Variants in SEM1 observed in about 807,000 individuals in gnomAD.
The protein encoded by SEM1 is 26S proteasome complex subunit SEM1.
SEM1 carries 3 observed loss-of-function variants against 12.7 expected under a neutral mutation model. That is an observed-to-expected ratio of 0.24 (90% CI 0.11 to 0.61). The LOEUF (loss-of-function observed/expected upper bound fraction) is 0.61. Ranked by LOEUF, SEM1 falls within the 20% of genes least tolerant of loss-of-function variation. The pLI, the probability that SEM1 is intolerant of heterozygous loss-of-function variation, is 0.88. For synonymous variants in SEM1, 30 were observed against 27.8 expected, an observed-to-expected ratio of 1.08 and a Z score of -0.25; for missense variants, 59 against 81.3, an observed-to-expected ratio of 0.73 and a Z score of 1.06.
intron 2 of SEM1, among the ~76,000 whole-genome samples, chr7:96,664,873 T>C (rs965328699): frequency 4.6e-5 from 7 of 152,128 alleles, no homozygotes; most frequent in African/African-American, 1.7e-4. Flanking sequence ...AGTGAAATAA[T>C]GAATAAACCA....
intron 2 of SEM1, among the ~76,000 whole-genome samples, chr7:96,659,926 A>AAAAAAAAAAAAAAC (rs1788939036): frequency 6.8e-6 from 1 of 147,514 alleles, no homozygotes; most frequent in Non-Finnish European, 1.5e-5. Flanking sequence ...AAAAAAAAAA[A>AAAAAAAAAAAAAAC]AAAACAAAAA....
chr7:96,686,278 C>G (rs1789758655), downstream of SEM1, among the ~76,000 whole-genome samples: 1 of 152,106 alleles, frequency 6.6e-6, no homozygotes. Context: ...ATCCTGATGT[C>G]AAATACCAAT....
chr7:96,518,606 T>G (rs538626907), intron 2 of SEM1, among the ~76,000 whole-genome samples: 1 of 152,234 alleles, frequency 6.6e-6, no homozygotes, highest in Admixed American at 6.5e-5. Flanking sequence ...TCTCTGAATT[T>G]ATATTCATCA....
At chr7:96,555,329 G>A (rs1196672185) in intron 2 of SEM1, among the ~76,000 whole-genome samples, 1 of 151,592 alleles carries the variant, frequency 6.6e-6, no homozygotes, top group Non-Finnish European at 1.5e-5. Flanking sequence ...TGGGCATTTA[G>A]TGCTGTAAAT....
chr7:96,608,461 G>A (rs1271470264), intron 2 of SEM1, among the ~76,000 whole-genome samples: 2 of 152,010 alleles, frequency 1.3e-5, no homozygotes, highest in African/African-American at 4.8e-5. Flanking sequence ...CCTGTTTAAA[G>A]TGTACAGTTC....
At chr7:96,642,344 G>A (rs1458897137) in intron 2 of SEM1, among the ~76,000 whole-genome samples, 1 of 152,030 alleles carries the variant, frequency 6.6e-6, no homozygotes. Context: ...TAATTATGTA[G>A]ATTTTAGTTT....
At chr7:96,568,482 A>G (rs1805919916) in intron 2 of SEM1, among the ~76,000 whole-genome samples, 1 of 151,712 alleles carries the variant, frequency 6.6e-6, no homozygotes, top group South Asian at 2.1e-4. Flanking sequence ...TTTATTTACT[A>G]GTTTCTTCAT....
At chr7:96,541,437 T>G (rs1430096360) in intron 2 of SEM1, among the ~76,000 whole-genome samples, 2 of 134,900 alleles carry the variant, frequency 1.5e-5, no homozygotes, top group African/African-American at 3.0e-5. Context: ...ATGGGTTTTT[T>G]TTTTTGTTTT....
intron 2 of SEM1, among the ~76,000 whole-genome samples, chr7:96,526,904 A>G (rs991692684): frequency 3.3e-5 from 5 of 152,096 alleles, no homozygotes; most frequent in African/African-American, 1.2e-4. Context: ...CCCTTACTCT[A>G]AAAATGTAAG....
At chr7:96,565,549 C>T (rs1428887304) in intron 2 of SEM1, among the ~76,000 whole-genome samples, 1 of 151,848 alleles carries the variant, frequency 6.6e-6, no homozygotes, top group East Asian at 1.9e-4. Context: ...AGATAAATTC[C>T]TTGAGTCCCT....
chr7:96,603,198 G>A (rs939763148), intron 2 of SEM1, among the ~76,000 whole-genome samples: 1 of 152,128 alleles, frequency 6.6e-6, no homozygotes, highest in African/African-American at 2.4e-5. Flanking sequence ...TCTCATTTGG[G>A]ATTTCAAATA....
chr7:96,515,450 T>C (rs943730527), intron 2 of SEM1, among the ~76,000 whole-genome samples: 5 of 152,160 alleles, frequency 3.3e-5, no homozygotes, highest in African/African-American at 1.2e-4. Flanking sequence ...AATTCAACCA[T>C]TGTGGAAGAC....
At chr7:96,699,267 C>A (rs1398749643) in intron 1 of SEM1, among the ~76,000 whole-genome samples, 1 of 152,206 alleles carries the variant, frequency 6.6e-6, no homozygotes, top group African/African-American at 2.4e-5. Flanking sequence ...CTCTTCACTT[C>A]ATTTCTAATA....
intron 2 of SEM1, among the ~76,000 whole-genome samples, chr7:96,583,827 A>G (rs1806505433): frequency 6.6e-6 from 1 of 150,422 alleles, no homozygotes; most frequent in African/African-American, 2.4e-5. Flanking sequence ...TTTGCTTGGT[A>G]GATCTTCCTC....
At chr7:96,616,289 GA>G (rs1807718273) in intron 2 of SEM1, among the ~76,000 whole-genome samples, 1 of 152,136 alleles carries the variant, frequency 6.6e-6, no homozygotes, top group Non-Finnish European at 1.5e-5. Flanking sequence ...TCTCTTTGAT[GA>G]TTAGTGATGC....
At chr7:96,515,876 C>T (rs539830730) in intron 2 of SEM1, among the ~76,000 whole-genome samples, 10 of 151,916 alleles carry the variant, frequency 6.6e-5, no homozygotes, top group Middle Eastern at 3.4e-3. Flanking sequence ...GGGCCTGTTG[C>T]GGGGTCGGGG....
chr7:96,490,206 T>C (rs1480703615), intron 1 of SEM1, among the ~76,000 whole-genome samples: 1 of 152,212 alleles, frequency 6.6e-6, no homozygotes, highest in Admixed American at 6.5e-5. Flanking sequence ...CACTCTTCAT[T>C]TGTCTTAAAA....
intron 2 of SEM1, chr7:96,622,767 C>A (rs914882651): frequency 9.3e-6 from 6 of 642,486 alleles, no homozygotes; most frequent in Middle Eastern, 2.5e-4. Flanking sequence ...TACCACTGTG[C>A]TAGTCATGTA....
At chr7:96,647,848 A>G (rs1344928364) in intron 2 of SEM1, among the ~76,000 whole-genome samples, 1 of 152,198 alleles carries the variant, frequency 6.6e-6, no homozygotes, top group Non-Finnish European at 1.5e-5. Flanking sequence ...CACTCCCAAA[A>G]TAGAAAACCT....
Sources: allele counts gnomAD v4.1 joint callset (sites outside exome capture counted in the v4.1 genomes callset), GRCh38; gene constraint gnomAD v4.1.1; transcripts MANE v1.5; gene names NCBI Gene and HGNC (gene_info 2026-07-23, HGNC 2026-07-21).